The following SLC24A2 variants were observed in gnomAD, a reference collection of about 807,000 sequenced individuals.
SLC24A2 encodes the protein solute carrier family 24 member 2, also known as sodium/potassium/calcium exchanger 2.
SLC24A2 carries 36 observed loss-of-function variants against 62.0 expected under a neutral mutation model. The observed-to-expected ratio is 0.58, with a 90% CI of 0.44 to 0.77. The LOEUF (loss-of-function observed/expected upper bound fraction) is 0.77. Ranked by LOEUF, SLC24A2 falls within the 30% of genes least tolerant of loss-of-function variation. The pLI, the probability that SLC24A2 is intolerant of heterozygous loss-of-function variation, is 0.00. For synonymous variants in SLC24A2, 358 were observed against 294.0 expected (o/e 1.22, Z -2.23); for missense variants, 846 against 817.9 (o/e 1.03, Z -0.42).
chr9:19,877,406 A>G, the SLC24A2 span, among the ~76,000 whole-genome samples: 1 of 143,724 alleles, frequency 7.0e-6, no homozygotes, highest in East Asian at 2.1e-4. Flanking sequence ...CAGATTCTAG[A>G]GGCACTGACC....
At chr9:20,125,381 A>G in the SLC24A2 span, among the ~76,000 whole-genome samples, 1 of 152,230 alleles carries the variant, frequency 6.6e-6, no homozygotes, top group Admixed American at 6.5e-5. Context: ...TTGAACCTTT[A>G]TCTGCTCAAC....
Position 19,555,082 on chromosome 9 carries a change from G to A in SLC24A2, c.1348-4814C>T, listed in dbSNP as rs148892080. On this transcript the variant is annotated intron_variant, in intron 7 of 10. Transcript: ENST00000341998. Reference sequence around the variant, plus strand: ...AGGACTTAACACTGGTTTTCTTGGTGTTTATAGGAAATTCTGCCCAAGTCA... The same window carrying A: ...AGGACTTAACACTGGTTTTCTTGGTATTTATAGGAAATTCTGCCCAAGTCA... Among the ~76,000 whole-genome samples the A allele has an allele frequency of 1.6e-3, 242 of 152,156 alleles. 1 individual carries two copies. Among genetic ancestry groups the A allele is most frequent in the Non-Finnish European group, 2.4e-3 (166 of 68,014 alleles).
the SLC24A2 span, among the ~76,000 whole-genome samples, chr9:20,274,726 G>C: frequency 1.3e-5 from 2 of 152,126 alleles, no homozygotes; most frequent in Admixed American, 1.3e-4. Context: ...GACAGAAGAA[G>C]CTTTGTCCCT....
intron 2 of SLC24A2, among the ~76,000 whole-genome samples, chr9:19,722,094 G>A (rs150015749): frequency 6.6e-6 from 1 of 152,056 alleles, no homozygotes; most frequent in East Asian, 1.9e-4. Flanking sequence ...TATAGTTTTC[G>A]TACATGTTAC....
the SLC24A2 span, among the ~76,000 whole-genome samples, chr9:20,195,593 T>A: frequency 6.6e-6 from 1 of 152,180 alleles, no homozygotes; most frequent in Non-Finnish European, 1.5e-5. Flanking sequence ...CCTTTATCAA[T>A]TATATGTATT....
intron 2 of SLC24A2, among the ~76,000 whole-genome samples, chr9:19,779,550 G>A (rs1355036734): frequency 6.6e-6 from 1 of 151,894 alleles, no homozygotes; most frequent in African/African-American, 2.4e-5. Flanking sequence ...ATAAAAATCA[G>A]GTGCATCTAC....
the SLC24A2 span, among the ~76,000 whole-genome samples, chr9:20,124,794 A>C: frequency 6.6e-6 from 1 of 152,212 alleles, no homozygotes; most frequent in East Asian, 1.9e-4. Context: ...GCTTATAGTC[A>C]GTAAGTATAA....
At chr9:20,162,116 A>T in the SLC24A2 span, among the ~76,000 whole-genome samples, 2 of 151,752 alleles carry the variant, frequency 1.3e-5, no homozygotes, top group Non-Finnish European at 3.0e-5. Context: ...CAAACTTGGC[A>T]TTGTGATGTG....
chr9:19,820,028 CATATATATATATACAT>C, the SLC24A2 span, among the ~76,000 whole-genome samples: 5 of 54,584 alleles, frequency 9.2e-5, no homozygotes, highest in South Asian at 6.0e-4. Context: ...TATATATACA[CATATATATATATACAT>C]ATATATATAT....
chr9:19,896,029 C>T, the SLC24A2 span: 5 of 1,411,602 alleles, frequency 3.5e-6, no homozygotes, highest in South Asian at 2.6e-5. Context: ...GAAGCCACAG[C>T]AGGTCCCCTT....
the SLC24A2 span, among the ~76,000 whole-genome samples, chr9:19,836,367 C>A: frequency 2.0e-5 from 3 of 152,012 alleles, no homozygotes; most frequent in South Asian, 2.1e-4. Context: ...AAGAATTAAA[C>A]AGACGCAATA....
chr9:19,880,457 T>C, the SLC24A2 span, among the ~76,000 whole-genome samples: 1 of 152,210 alleles, frequency 6.6e-6, no homozygotes, highest in East Asian at 1.9e-4. Flanking sequence ...CTTGGGCCAA[T>C]ATGTCATGGC....
chr9:20,093,288 T>A, the SLC24A2 span, among the ~76,000 whole-genome samples: 1 of 152,070 alleles, frequency 6.6e-6, no homozygotes, highest in African/African-American at 2.4e-5. Flanking sequence ...GTCAGGCTGG[T>A]CTCGAACTCC....
At chr9:19,590,002 T>C (rs1028381996) in intron 5 of SLC24A2, among the ~76,000 whole-genome samples, 1 of 152,184 alleles carries the variant, frequency 6.6e-6, no homozygotes. Context: ...GGCCTTCCTA[T>C]GCTGGGCTGA....
intron 2 of SLC24A2, among the ~76,000 whole-genome samples, chr9:19,698,214 A>T (rs1218859167): frequency 6.6e-6 from 1 of 152,126 alleles, no homozygotes; most frequent in Non-Finnish European, 1.5e-5. Context: ...GAAAAATTCC[A>T]CACCTGACCT....
the SLC24A2 span, among the ~76,000 whole-genome samples, chr9:20,249,264 G>T: frequency 6.6e-6 from 1 of 152,178 alleles, no homozygotes; most frequent in Non-Finnish European, 1.5e-5. Flanking sequence ...TGCTCAAAAT[G>T]TTAGCTGTGA....
chr9:19,830,381 G>A, the SLC24A2 span, among the ~76,000 whole-genome samples: 8 of 152,174 alleles, frequency 5.3e-5, no homozygotes, highest in Non-Finnish European at 1.0e-4. Flanking sequence ...GAGGCATTAT[G>A]TCAGATTTTG....
chr9:19,962,305 C>T, the SLC24A2 span, among the ~76,000 whole-genome samples: 1 of 152,152 alleles, frequency 6.6e-6, no homozygotes, highest in Non-Finnish European at 1.5e-5. Flanking sequence ...CGTGATGCCT[C>T]CAGCTTTGTT....
chr9:20,130,324 T>C, the SLC24A2 span, among the ~76,000 whole-genome samples: 87 of 151,370 alleles, frequency 5.7e-4, no homozygotes, highest in Admixed American at 5.5e-3. Context: ...AAGCTCTCGG[T>C]GTTATGAAAA....
Sources: allele counts gnomAD v4.1 joint callset (sites outside exome capture counted in the v4.1 genomes callset), GRCh38; gene constraint gnomAD v4.1.1; transcripts MANE v1.5; gene names NCBI Gene and HGNC (gene_info 2026-07-23, HGNC 2026-07-21).